FSTL4: variants seen among roughly 807,000 people sequenced by gnomAD.
FSTL4 encodes the protein follistatin-related protein 4.
A neutral mutation model predicts 78.2 loss-of-function variants in FSTL4; 28 were observed. That is an observed-to-expected ratio of 0.36 (90% CI 0.27 to 0.49). The LOEUF (loss-of-function observed/expected upper bound fraction) is 0.49, where lower values mean the gene tolerates loss of function less well. Ranked by LOEUF, FSTL4 falls within the 20% of genes least tolerant of loss-of-function variation. FSTL4 has a pLI of 0.98. For missense variants in FSTL4, 922 were observed against 1,084.9 expected (o/e 0.85, Z 2.11); for synonymous variants, 422 against 440.5 (o/e 0.96, Z 0.53).
chr5:133,819,209 G>A, the FSTL4 span, among the ~76,000 whole-genome samples: 1 of 151,810 alleles, frequency 6.6e-6, no homozygotes, highest in Non-Finnish European at 1.5e-5. Flanking sequence ...AGAAAGTGAA[G>A]TCAACTTCAC....
intron 6 of FSTL4, among the ~76,000 whole-genome samples, chr5:133,283,031 C>A (rs975664436): frequency 6.8e-6 from 1 of 147,700 alleles, no homozygotes; most frequent in African/African-American, 2.6e-5. Context: ...AAGGTTGGGG[C>A]CCTGGGCTGG....
chr5:133,270,798 G>A (rs950284008), intron 6 of FSTL4, among the ~76,000 whole-genome samples: 3 of 152,138 alleles, frequency 2.0e-5, no homozygotes, highest in Non-Finnish European at 4.4e-5. Flanking sequence ...TAGCTTGTAT[G>A]ATAACCCCCA....
At chr5:133,509,961 T>C (rs1758691423) in intron 3 of FSTL4, among the ~76,000 whole-genome samples, 3 of 152,226 alleles carry the variant, frequency 2.0e-5, no homozygotes, top group Admixed American at 2.0e-4. Flanking sequence ...ACATCTGGTT[T>C]CCGATATGGA....
At chr5:133,242,489 C>T (rs561637098) in intron 7 of FSTL4, among the ~76,000 whole-genome samples, 7 of 152,056 alleles carry the variant, frequency 4.6e-5, no homozygotes, top group African/African-American at 7.2e-5. Flanking sequence ...GAGATGGGGC[C>T]GGAAGTGGTC....
At chr5:133,753,116 T>C in the FSTL4 span, among the ~76,000 whole-genome samples, 52 of 152,192 alleles carry the variant, frequency 3.4e-4, no homozygotes, top group Non-Finnish European at 5.6e-4. Context: ...GAAAAAGTCT[T>C]TTTGTGGTCA....
chr5:133,676,673 G>A, the FSTL4 span, among the ~76,000 whole-genome samples: 16 of 152,166 alleles, frequency 1.1e-4, no homozygotes, highest in Non-Finnish European at 2.2e-4. Flanking sequence ...AAATCTACAG[G>A]CTCAGATATT....
At chr5:133,617,170 G>A (rs780689971), upstream of FSTL4, among the ~76,000 whole-genome samples, 8 of 151,976 alleles carry the variant, frequency 5.3e-5, no homozygotes, top group Admixed American at 6.6e-5. Flanking sequence ...ATGGTGGCAC[G>A]CGCCTATAGT....
At chr5:133,360,203 T>C (rs1434206637) in intron 4 of FSTL4, among the ~76,000 whole-genome samples, 1 of 152,234 alleles carries the variant, frequency 6.6e-6, no homozygotes, top group Non-Finnish European at 1.5e-5. Flanking sequence ...CAACGTTTAC[T>C]CAAAATAGGA....
chr5:133,516,305 G>A (rs1758851305), intron 3 of FSTL4, among the ~76,000 whole-genome samples: 1 of 152,074 alleles, frequency 6.6e-6, no homozygotes, highest in Non-Finnish European at 1.5e-5. Flanking sequence ...AAAATCTACA[G>A]TTCACAAAAT....
At chr5:133,734,859 C>A in the FSTL4 span, among the ~76,000 whole-genome samples, 1 of 152,272 alleles carries the variant, frequency 6.6e-6, no homozygotes, top group East Asian at 1.9e-4. Context: ...CTTTCCATGT[C>A]TGTCACCTTT....
chr5:133,518,004 C>A (rs963252963), intron 3 of FSTL4, among the ~76,000 whole-genome samples: 1 of 152,186 alleles, frequency 6.6e-6, no homozygotes, highest in Non-Finnish European at 1.5e-5. Flanking sequence ...AGTATCTTCA[C>A]AGAAATATCT....
chr5:133,240,792 T>C (rs1234636158), intron 7 of FSTL4, among the ~76,000 whole-genome samples: 1 of 152,234 alleles, frequency 6.6e-6, no homozygotes, highest in African/African-American at 2.4e-5. Context: ...GGGAGTGTGT[T>C]AGCCTAGGAT....
intron 2 of FSTL4, among the ~76,000 whole-genome samples, chr5:133,598,499 T>A (rs552220432): frequency 3.8e-4 from 58 of 152,074 alleles, no homozygotes; most frequent in Admixed American, 2.9e-3. Flanking sequence ...TCATTTGCCT[T>A]GAAAATTATA....
At chr5:133,357,748 AC>A (rs1754971824) in intron 4 of FSTL4, among the ~76,000 whole-genome samples, 1 of 151,340 alleles carries the variant, frequency 6.6e-6, no homozygotes, top group Non-Finnish European at 1.5e-5. Context: ...TCTCCCTAGC[AC>A]CCCCCACACC....
At chr5:133,496,594 C>T (rs143868118) in intron 3 of FSTL4, among the ~76,000 whole-genome samples, 91 of 152,296 alleles carry the variant, frequency 6.0e-4, no homozygotes, top group African/African-American at 2.1e-3. Context: ...CATTCCCTGA[C>T]GTGGTATCTC....
the FSTL4 span, among the ~76,000 whole-genome samples, chr5:133,753,328 A>T: frequency 3.3e-5 from 5 of 152,192 alleles, no homozygotes; most frequent in Non-Finnish European, 7.3e-5. Flanking sequence ...AAAGCCCCAG[A>T]TGGGCATGTG....
chr5:133,759,545 G>A, the FSTL4 span, among the ~76,000 whole-genome samples: 3 of 152,238 alleles, frequency 2.0e-5, no homozygotes, highest in South Asian at 4.2e-4. Context: ...CTTGTTAATG[G>A]CCTTAAAGTC....
At position 133,469,943 on chromosome 5, in the gene FSTL4, G is replaced by GA. The variant is rs145777254; in HGVS notation, c.161-68958dup. Among the ~76,000 whole-genome samples, 169 of 147,584 alleles carry GA rather than the reference G, an allele frequency of 1.1e-3. 1 individual carries two copies. Among genetic ancestry groups the GA allele is most frequent in the African/African-American group, 2.6e-3 (104 of 40,186 alleles). On this transcript the variant is annotated intron_variant, in intron 3 of 15. Coordinates refer to ENST00000265342, the MANE Select transcript of FSTL4 (RefSeq NM_015082.2). The stretch of plus-strand genomic sequence containing the variant: ...TATATGTGGAAAACTCTCTTATGCA[G>GA]AAAAAAAAAACAGAAGAATTTTTTG...
At chr5:133,645,105 C>T in the FSTL4 span, among the ~76,000 whole-genome samples, 1 of 152,044 alleles carries the variant, frequency 6.6e-6, no homozygotes, top group Non-Finnish European at 1.5e-5. Flanking sequence ...TATTGTAGCT[C>T]TCTTATTGAA....
Sources: gnomAD v4.1 joint callset for allele counts (sites outside exome capture counted in the v4.1 genomes callset) on GRCh38, gnomAD v4.1.1 for gene constraint, MANE v1.5 for transcripts, NCBI Gene and HGNC (gene_info 2026-07-23, HGNC 2026-07-21) for gene names.